The following DCTN4 variants were observed in gnomAD, a reference collection of about 807,000 sequenced individuals.
DCTN4 encodes dynactin 4 (p62).
DCTN4 carries 23 observed loss-of-function variants against 62.7 expected under a neutral mutation model. The ratio of observed to expected loss-of-function variants is 0.37; its 90% CI spans 0.26 to 0.52. DCTN4 has a LOEUF of 0.52. Ranked by LOEUF, DCTN4 falls within the 20% of genes least tolerant of loss-of-function variation. The pLI, the probability that DCTN4 is intolerant of heterozygous loss-of-function variation, is 0.92. For synonymous variants in DCTN4, 199 were observed against 202.1 expected (o/e 0.98, Z 0.13); for missense variants, 514 against 580.4 (o/e 0.89, Z 1.18).
chr5:150,751,433 T>G (rs1285641481), intron 3 of DCTN4, among the ~76,000 whole-genome samples: 1 of 152,084 alleles, frequency 6.6e-6, no homozygotes, highest in African/African-American at 2.4e-5. Context: ...ACTAACAGAG[T>G]AACAAACTGA....
At chr5:150,719,828 A>G in intron 9 of DCTN4, 58 bp from the exon 10 acceptor site, 1 of 1,171,198 alleles carries the variant, frequency 8.5e-7, no homozygotes, top group Non-Finnish European at 1.2e-6. Flanking sequence ...AATTATTATT[A>G]TTTTTTAAAG....
intron 8 of DCTN4, among the ~76,000 whole-genome samples, chr5:150,730,384 C>A (rs773401953): frequency 2.0e-5 from 3 of 152,194 alleles, no homozygotes; most frequent in Non-Finnish European, 2.9e-5. Context: ...ACCCTATGTA[C>A]TTAACCTTCA....
intron 4 of DCTN4, among the ~76,000 whole-genome samples, chr5:150,736,469 A>G (rs937920670): frequency 1.3e-5 from 2 of 152,236 alleles, no homozygotes; most frequent in Admixed American, 1.3e-4. Flanking sequence ...CTCCTTAAAC[A>G]AAACAATTAT....
At chr5:150,746,811 C>T (rs1177073934) in intron 3 of DCTN4, among the ~76,000 whole-genome samples, 1 of 152,076 alleles carries the variant, frequency 6.6e-6, no homozygotes, top group African/African-American at 2.4e-5. Context: ...AGCTATCTAT[C>T]ACAAACCCAC....
At chr5:150,722,163 A>C (rs1759977259) in intron 9 of DCTN4, among the ~76,000 whole-genome samples, 2 of 152,114 alleles carry the variant, frequency 1.3e-5, no homozygotes, top group African/African-American at 2.4e-5. Flanking sequence ...TCTTTTTGCT[A>C]AGGTCAAAGG....
chr5:150,746,757 C>T lies in DCTN4; in HGVS notation c.386-4600G>A, dbSNP rs527290541. Among the ~76,000 whole-genome samples, 6 of 152,282 alleles carry T rather than the reference C, an allele frequency of 3.9e-5. No individual in the cohort carries two copies. The East Asian group carries it at 7.7e-4, about 20-fold the overall frequency. On this transcript the variant is annotated intron_variant, in intron 3 of 12. Transcript: ENST00000447998. ...TCAACAGCCCTTCATGCTAAAAACT[C>T]TCAATAAATTCGGTATTGATGGGAC...
chr5:150,758,091 A>T, intron 1 of DCTN4: 1 of 985,556 alleles, frequency 1.0e-6, no homozygotes. Context: ...GGCTTATTAA[A>T]CAGCGCATTT....
intron 3 of DCTN4, chr5:150,742,961 CAGACAGTGGGTGCA>C (rs1267115884): frequency 1.3e-5 from 2 of 156,326 alleles, no homozygotes; most frequent in Admixed American, 1.3e-4. Context: ...TAGGGAGTGC[CAGACAGTGGGTGCA>C]GGACAGTGGG....
rs1051538302 is a variant in DCTN4 at position 150,731,818 on chromosome 5, T to C, written c.538-329A>G. 4 of 1,420,096 alleles carry C rather than the reference T, an allele frequency of 2.8e-6. No homozygotes were observed. The African/African-American group carries it at 5.7e-5, about 20-fold the overall frequency. The allele number at this position is 1,420,096 out of a possible 1,614,324, so 88.0% of individuals were successfully genotyped here. A position where few individuals can be genotyped will look rare whatever the true frequency, so the allele number is the denominator to read the frequency against. On this transcript the variant is annotated intron_variant, in intron 5 of 12. Coordinates refer to ENST00000447998, the MANE Select transcript of DCTN4 (RefSeq NM_016221.4). ...GTGTCTAAGATACACAACAGACGTC[T>C]TCCTGGAACACCAGTGGTCATCTGC...
intron 3 of DCTN4, among the ~76,000 whole-genome samples, chr5:150,748,640 A>T (rs1240365675): frequency 6.6e-6 from 1 of 151,544 alleles, no homozygotes; most frequent in Non-Finnish European, 1.5e-5. Flanking sequence ...CTTTGTAGGG[A>T]CATGGATGAT....
Position 150,725,696 on chromosome 5 carries a change from CTAACT to C in DCTN4, c.835-2721_835-2717del, listed in dbSNP as rs1760118393. ...TTTGCTATAAAGAAATTACTGATTC[CTAACT>C]TAACTACGTTGTGATCAAATAATAT... is the stretch of plus-strand genomic sequence containing the variant. On this transcript the variant is annotated intron_variant, in intron 8 of 12. Transcript: ENST00000447998. 2.6e-5 allele frequency among the ~76,000 whole-genome samples: 4 copies of C among 152,176 alleles called. No individual in the cohort carries two copies. In the South Asian group the frequency reaches 6.2e-4, roughly 24 times the overall value.
chr5:150,757,685 A>G (rs1438782767), intron 1 of DCTN4, among the ~76,000 whole-genome samples: 1 of 152,220 alleles, frequency 6.6e-6, no homozygotes, highest in Non-Finnish European at 1.5e-5. Flanking sequence ...CATATTTTTA[A>G]TATATACGAT....
intron 12 of DCTN4, among the ~76,000 whole-genome samples, chr5:150,714,819 A>C (rs2151467439): frequency 6.6e-6 from 1 of 152,268 alleles, no homozygotes; most frequent in African/African-American, 2.4e-5. Context: ...TGGAGGCCTG[A>C]GTTTCAGCTA....
chr5:150,733,697 G>C, intron 4 of DCTN4: 2 of 423,970 alleles, frequency 4.7e-6, no homozygotes, highest in Non-Finnish European at 4.2e-6. Flanking sequence ...GGGCAATGAA[G>C]AGGCTTGGAA....
At chr5:150,725,795 G>T (rs1024262367) in intron 8 of DCTN4, among the ~76,000 whole-genome samples, 3 of 152,228 alleles carry the variant, frequency 2.0e-5, no homozygotes, top group African/African-American at 7.2e-5. Context: ...AATGGCAGCA[G>T]CAGCATGTGC....
At chr5:150,744,564 G>A (rs568795540) in intron 3 of DCTN4, among the ~76,000 whole-genome samples, 1 of 152,240 alleles carries the variant, frequency 6.6e-6, no homozygotes, top group Non-Finnish European at 1.5e-5. Context: ...CCCACAAAGG[G>A]AAGCCCATCA....
intron 5 of DCTN4, 58 bp from the exon 6 acceptor site, chr5:150,731,547 A>C: frequency 7.1e-7 from 1 of 1,400,006 alleles, no homozygotes; most frequent in Admixed American, 2.0e-5. Context: ...CCTATTTATC[A>C]AAAGAAAGAA....
At chr5:150,719,115 C>T (rs1333937444) in intron 10 of DCTN4, among the ~76,000 whole-genome samples, 2 of 152,248 alleles carry the variant, frequency 1.3e-5, no homozygotes, top group African/African-American at 2.4e-5. Context: ...CCACCGTGCC[C>T]GACCTTATAA....
chr5:150,719,118 C>T (rs1185467005), intron 10 of DCTN4, among the ~76,000 whole-genome samples: 1 of 152,170 alleles, frequency 6.6e-6, no homozygotes, highest in Non-Finnish European at 1.5e-5. Flanking sequence ...CCGTGCCCGA[C>T]CTTATAAAAA....
Sources: allele counts gnomAD v4.1 joint callset (sites outside exome capture counted in the v4.1 genomes callset), GRCh38; gene constraint gnomAD v4.1.1; transcripts MANE v1.5; gene names NCBI Gene and HGNC (gene_info 2026-07-23, HGNC 2026-07-21).